The following ATXN1 variants were observed in gnomAD, a reference collection of about 807,000 sequenced individuals.
ATXN1 encodes the protein ataxin-1.
In ATXN1, 8 loss-of-function variants were observed where a neutral mutation model predicts 56.4. The observed-to-expected ratio is 0.14, with a 90% CI of 0.08 to 0.26. ATXN1 has a LOEUF of 0.26. Ranked by LOEUF, ATXN1 falls within the 10% of genes least tolerant of loss-of-function variation. ATXN1 has a pLI of 1.00. For missense variants in ATXN1, 987 were observed against 1,106.5 expected, an observed-to-expected ratio of 0.89 and a Z score of 1.53; for synonymous variants, 514 against 494.6, an observed-to-expected ratio of 1.04 and a Z score of -0.52.
chr6:16,524,451 C>T (rs7762230), intron 4 of ATXN1, among the ~76,000 whole-genome samples: 36,361 of 152,082 alleles, frequency 0.24, 4,807 homozygotes, highest in East Asian at 0.52. Context: ...ACAGACGAGA[C>T]GTCTACAGTA....
intron 1 of ATXN1, among the ~76,000 whole-genome samples, chr6:16,759,661 CG>C (rs1174674236): frequency 6.6e-6 from 1 of 151,084 alleles, no homozygotes; most frequent in Non-Finnish European, 1.5e-5. Flanking sequence ...AGAGCAGCCA[CG>C]GGCTCGAACC....
Position 16,549,154 on chromosome 6 carries a change from CT to C in ATXN1, c.-360-26467del, listed in dbSNP as rs769558688. Among the ~76,000 whole-genome samples, 167 of 145,820 alleles carry C rather than the reference CT, an allele frequency of 1.1e-3. 1 individual carries two copies. The highest frequency in any genetic ancestry group is 1.5e-3 in the South Asian group (7 of 4,578). ...CTGCCTGAAGTTGGTTTGCAGTTAA[CT>C]TTTTTTTTTTTAAATAAGTAGAAGA... is the stretch of plus-strand genomic sequence containing the variant. On this transcript the variant is annotated intron_variant, in intron 4 of 7. Coordinates refer to ENST00000436367, the MANE Select transcript of ATXN1 (RefSeq NM_001128164.2).
intron 4 of ATXN1, among the ~76,000 whole-genome samples, chr6:16,550,411 G>A (rs1761899550): frequency 6.6e-6 from 1 of 152,026 alleles, no homozygotes; most frequent in Admixed American, 6.5e-5. Flanking sequence ...TGTATATTTG[G>A]GACAATCTGA....
intron 2 of ATXN1, among the ~76,000 whole-genome samples, chr6:16,697,935 G>A (rs1267787294): frequency 6.6e-6 from 1 of 152,086 alleles, no homozygotes; most frequent in Non-Finnish European, 1.5e-5. Context: ...TCAGGCACCC[G>A]GAAGCTTTGC....
rs545668685 is a variant in ATXN1 at position 16,663,519 on chromosome 6, T to A, written c.-614-5618A>T. 3.3e-5 allele frequency among the ~76,000 whole-genome samples: 5 copies of A among 152,328 alleles called. No homozygotes were observed. In the South Asian group the frequency reaches 8.3e-4, roughly 25 times the overall value. ...GAGAAAGAAATTCTCGCTGCACTCCTGCCTCAATACAAATTTAGAATGGCA... is the reference window on the plus strand; with the variant it reads ...GAGAAAGAAATTCTCGCTGCACTCCAGCCTCAATACAAATTTAGAATGGCA... On this transcript the variant is annotated intron_variant, in intron 2 of 7. Transcript: ENST00000436367.
At chr6:16,346,429 T>C (rs1761389192) in intron 6 of ATXN1, among the ~76,000 whole-genome samples, 2 of 152,142 alleles carry the variant, frequency 1.3e-5, no homozygotes, top group Non-Finnish European at 1.5e-5. Context: ...TATGCAGTAA[T>C]CCTTGGACAT....
intron 3 of ATXN1, among the ~76,000 whole-genome samples, chr6:16,626,101 C>T (rs945192592): frequency 6.6e-6 from 1 of 152,146 alleles, no homozygotes; most frequent in African/African-American, 2.4e-5. Flanking sequence ...CTTTTATTTA[C>T]AGTTTTCCCC....
intron 6 of ATXN1, among the ~76,000 whole-genome samples, chr6:16,397,274 GTTTTTTGT>G (rs1758476991): frequency 6.7e-6 from 1 of 148,894 alleles, no homozygotes; most frequent in Admixed American, 6.7e-5. Flanking sequence ...TTGTTTTTTT[GTTTTTTGT>G]TTTTTTGAGA....
chr6:16,539,692 G>A (rs2113715171), intron 4 of ATXN1, among the ~76,000 whole-genome samples: 1 of 152,242 alleles, frequency 6.6e-6, no homozygotes. Flanking sequence ...CCACCTCTGT[G>A]GCTTAGTCAT....
chr6:16,449,459 A>G (rs780284561), intron 6 of ATXN1, among the ~76,000 whole-genome samples: 2 of 152,190 alleles, frequency 1.3e-5, no homozygotes, highest in Non-Finnish European at 2.9e-5. Flanking sequence ...TCTAAAATTG[A>G]AAGAGATGAG....
intron 4 of ATXN1, among the ~76,000 whole-genome samples, chr6:16,580,217 C>G (rs765608379): frequency 1.3e-5 from 2 of 152,188 alleles, no homozygotes; most frequent in African/African-American, 2.4e-5. Flanking sequence ...AGAAAGGGAA[C>G]TGGATGTTCA....
chr6:16,413,393 C>A (rs1044376836), intron 6 of ATXN1, among the ~76,000 whole-genome samples: 1 of 151,846 alleles, frequency 6.6e-6, no homozygotes, highest in African/African-American at 2.4e-5. Flanking sequence ...GAAGAAGATG[C>A]GGCTCGGGAC....
chr6:16,520,645 C>G (rs1761270111), intron 5 of ATXN1, among the ~76,000 whole-genome samples: 1 of 152,176 alleles, frequency 6.6e-6, no homozygotes, highest in Admixed American at 6.5e-5. Context: ...CTAAAGAGAC[C>G]TTTACAGTCC....
chr6:16,389,137 G>C (rs1182964708), intron 6 of ATXN1, among the ~76,000 whole-genome samples: 1 of 152,074 alleles, frequency 6.6e-6, no homozygotes, highest in East Asian at 1.9e-4. Flanking sequence ...GAGTTCGAGA[G>C]ACCAGCCTGA....
chr6:16,749,487 G>C (rs1760643673), intron 2 of ATXN1, among the ~76,000 whole-genome samples: 1 of 152,138 alleles, frequency 6.6e-6, no homozygotes, highest in Non-Finnish European at 1.5e-5. Context: ...ATTAGCTCAA[G>C]TTCCTATTTT....
chr6:16,437,886 A>G (rs1476323224), intron 6 of ATXN1, among the ~76,000 whole-genome samples: 5 of 152,200 alleles, frequency 3.3e-5, no homozygotes, highest in African/African-American at 1.2e-4. Context: ...TGTCTGGGGA[A>G]GAGGGTGCCA....
At chr6:16,734,773 C>T (rs1760074371) in intron 2 of ATXN1, among the ~76,000 whole-genome samples, 1 of 152,124 alleles carries the variant, frequency 6.6e-6, no homozygotes, top group South Asian at 2.1e-4. Flanking sequence ...GGATTACAGA[C>T]GTGAGCCACC....
At chr6:16,606,459 G>C (rs192077872) in intron 3 of ATXN1, among the ~76,000 whole-genome samples, 2 of 152,006 alleles carry the variant, frequency 1.3e-5, no homozygotes, top group African/African-American at 4.8e-5. Flanking sequence ...GAGCCATGCA[G>C]GGGATAATGG....
At chr6:16,651,072 A>G (rs533103692) in intron 3 of ATXN1, among the ~76,000 whole-genome samples, 1 of 152,366 alleles carries the variant, frequency 6.6e-6, no homozygotes, top group African/African-American at 2.4e-5. Flanking sequence ...ATTCAATCAG[A>G]CCCTTTCTTT....
Sources: allele counts gnomAD v4.1 joint callset (sites outside exome capture counted in the v4.1 genomes callset), GRCh38; gene constraint gnomAD v4.1.1; transcripts MANE v1.5; gene names NCBI Gene and HGNC (gene_info 2026-07-23, HGNC 2026-07-21).